The following PRKCB variants were observed in gnomAD, a reference collection of about 807,000 sequenced individuals.
The protein encoded by PRKCB is protein kinase C beta type.
Under a neutral mutation model 81.5 loss-of-function variants are expected in PRKCB, and 13 were observed. The ratio of observed to expected loss-of-function variants is 0.16; its 90% CI spans 0.10 to 0.25. PRKCB has a LOEUF of 0.25. Ranked by LOEUF, PRKCB falls within the 10% of genes least tolerant of loss-of-function variation. The probability of loss-of-function intolerance (pLI) is 1.00; values close to 1 mark genes in which losing one functional copy is unlikely to be tolerated. For missense variants in PRKCB, 509 were observed against 875.7 expected, an observed-to-expected ratio of 0.58 and a Z score of 5.29; for synonymous variants, 335 against 321.4, an observed-to-expected ratio of 1.04 and a Z score of -0.45.
At chr16:24,132,501 T>C (rs1336659464) in intron 9 of PRKCB, among the ~76,000 whole-genome samples, 1 of 152,218 alleles carries the variant, frequency 6.6e-6, no homozygotes, top group Non-Finnish European at 1.5e-5. Context: ...CCTGCCCTCA[T>C]GAAACTTATA....
intron 2 of PRKCB, among the ~76,000 whole-genome samples, chr16:23,958,780 C>T (rs879302373): frequency 6.6e-5 from 10 of 150,386 alleles, no homozygotes; most frequent in Admixed American, 3.3e-4. Flanking sequence ...CCTCCTTCTC[C>T]TCATTATTAT....
intron 2 of PRKCB, among the ~76,000 whole-genome samples, chr16:23,946,879 A>G (rs1225804015): frequency 6.7e-6 from 1 of 148,598 alleles, no homozygotes; most frequent in Admixed American, 6.7e-5. Flanking sequence ...TTTTTGAGAC[A>G]GGGTCTTGTG....
rs544908905 is a variant in PRKCB at position 23,843,790 on chromosome 16, CAAAAAAAAAA to C, written c.205+6402_205+6411del. 1.5e-3 allele frequency among the ~76,000 whole-genome samples: 166 copies of C among 113,846 alleles called. 1 individual carries two copies. The highest frequency in any genetic ancestry group is 5.5e-3 in the South Asian group (19 of 3,476). The allele number at this position is 113,846 out of a possible 152,430, so 74.7% of individuals were successfully genotyped here. A position where few individuals can be genotyped will look rare whatever the true frequency, so the allele number is the denominator to read the frequency against. ...CAGCATGTTTATAGTGTATCTAGGC[CAAAAAAAAAA>C]AAAAAAAAAAAAAAAAATAGAAGAT... On this transcript the variant is annotated intron_variant, in intron 2 of 16. Transcript: ENST00000643927.
chr16:23,977,843 C>T (rs1305791094), intron 2 of PRKCB, among the ~76,000 whole-genome samples: 1 of 152,126 alleles, frequency 6.6e-6, no homozygotes, highest in Non-Finnish European at 1.5e-5. Flanking sequence ...CACAAACCAT[C>T]TCCCTGCCCG....
chr16:24,143,222 T>G (rs982095757), intron 9 of PRKCB, among the ~76,000 whole-genome samples: 2 of 152,246 alleles, frequency 1.3e-5, no homozygotes, highest in East Asian at 1.9e-4. Context: ...AACCTCCACC[T>G]CCTTGGTTCA....
chr16:23,915,997 T>C (rs1963731632), intron 2 of PRKCB, among the ~76,000 whole-genome samples: 1 of 152,102 alleles, frequency 6.6e-6, no homozygotes, highest in Non-Finnish European at 1.5e-5. Context: ...ACAATTAATA[T>C]ATGATGAATG....
intron 2 of PRKCB, among the ~76,000 whole-genome samples, chr16:23,946,158 G>A (rs538826989): frequency 6.1e-4 from 93 of 152,236 alleles, no homozygotes; most frequent in Admixed American, 2.2e-3. Flanking sequence ...TCTAAGATTC[G>A]TGCCTTCTCT....
chr16:23,988,935 G>A (rs1324226855), intron 3 of PRKCB, among the ~76,000 whole-genome samples: 2 of 151,998 alleles, frequency 1.3e-5, no homozygotes, highest in Admixed American at 6.6e-5. Context: ...CTTTGTTAGG[G>A]TGTTCTTTCT....
chr16:23,840,261 A>C (rs917408521), intron 2 of PRKCB, among the ~76,000 whole-genome samples: 13 of 152,200 alleles, frequency 8.5e-5, no homozygotes, highest in Non-Finnish European at 1.8e-4. Context: ...TACAAAACAC[A>C]TAAGGTTTTA....
At chr16:24,063,967 T>C (rs1001164140) in intron 5 of PRKCB, among the ~76,000 whole-genome samples, 11 of 152,184 alleles carry the variant, frequency 7.2e-5, no homozygotes, top group Non-Finnish European at 1.5e-4. Context: ...GACTGACATA[T>C]TGTTGGGTGG....
chr16:23,893,455 C>T (rs76416116), intron 2 of PRKCB: 25 of 152,324 alleles, frequency 1.6e-4, no homozygotes, highest in African/African-American at 5.1e-4. Context: ...GATTCCTTAG[C>T]AGTAGCCTTC....
intron 5 of PRKCB, among the ~76,000 whole-genome samples, chr16:24,062,157 AAAC>A (rs1965982492): frequency 6.6e-6 from 1 of 152,218 alleles, no homozygotes; most frequent in Non-Finnish European, 1.5e-5. Context: ...AGTGGGCTTA[AAAC>A]AACATTCTTT....
In PRKCB at chr16:24,032,356, G is replaced by T. The variant is rs1370497306; in HGVS notation, c.400+109G>T. The T allele has an allele frequency of 6.2e-6, 4 of 644,906 alleles. No individual in the cohort carries two copies. The East Asian group carries it at 1.2e-4, about 19-fold the overall frequency. The allele number at this position is 644,906 out of a possible 1,614,324, so 39.9% of individuals were successfully genotyped here. Reference sequence around the variant, plus strand: ...CTGCCATACATTCCCCCCTGTCCTCGTTGGGGCTGGTGTACCAGTTATCTG... The same window carrying T: ...CTGCCATACATTCCCCCCTGTCCTCTTTGGGGCTGGTGTACCAGTTATCTG... On this transcript the variant is annotated intron_variant, in intron 4 of 16. Transcript: ENST00000643927.
At chr16:23,875,592 C>A (rs776946785) in intron 2 of PRKCB, among the ~76,000 whole-genome samples, 465 of 26,678 alleles carry the variant, frequency 0.017, 86 homozygotes, top group Middle Eastern at 0.031. Flanking sequence ...ATGTATATCA[C>A]ACACATATGT....
chr16:24,163,205 G>A (rs1183618188), intron 10 of PRKCB, among the ~76,000 whole-genome samples: 1 of 152,160 alleles, frequency 6.6e-6, no homozygotes, highest in Non-Finnish European at 1.5e-5. Context: ...CTACAGGGAG[G>A]GAATAATTGG....
chr16:23,902,777 C>CCTTCCTTCCTTCCTTCCTT (rs1963500004), intron 2 of PRKCB, among the ~76,000 whole-genome samples: 2 of 62,096 alleles, frequency 3.2e-5, no homozygotes, highest in African/African-American at 1.4e-4. Context: ...TTCCTTCCTT[C>CCTTCCTTCCTTCCTTCCTT]CTTCCTCCCT....
rs528118449 is a variant in PRKCB, at chr16:24,017,263, C to G, written c.289-14873C>G. Among the ~76,000 whole-genome samples, 135 of 152,258 alleles carry G rather than the reference C, an allele frequency of 8.9e-4. 3 individuals carry two copies. Among genetic ancestry groups the G allele is most frequent in the South Asian group, 8.5e-3 (41 of 4,820 alleles). On this transcript the variant is annotated intron_variant, in intron 3 of 16. Transcript: ENST00000643927. The stretch of plus-strand genomic sequence containing the variant: ...GTATCATAAAAGAGGCATTTCAAAT[C>G]AGCAGGGAAAAGATGCATTTCATAC...
chr16:23,990,121 C>T (rs1197559765), intron 3 of PRKCB, among the ~76,000 whole-genome samples: 2 of 152,098 alleles, frequency 1.3e-5, no homozygotes, highest in African/African-American at 2.4e-5. Flanking sequence ...CTGTTGATAC[C>T]ACTCACAGTC....
chr16:24,105,213 C>T (rs1386895348), intron 7 of PRKCB, among the ~76,000 whole-genome samples: 3 of 152,108 alleles, frequency 2.0e-5, no homozygotes, highest in African/African-American at 7.2e-5. Flanking sequence ...TGGGCCACCA[C>T]ACCCATCTAA....
Sources: allele counts gnomAD v4.1 joint callset (sites outside exome capture counted in the v4.1 genomes callset), GRCh38; gene constraint gnomAD v4.1.1; transcripts MANE v1.5; gene names NCBI Gene and HGNC (gene_info 2026-07-23, HGNC 2026-07-21).